Variants in CCDC7 observed in about 807,000 individuals in gnomAD.
CCDC7 encodes coiled-coil domain containing 7, also known as coiled-coil domain-containing protein 7.
Under a neutral mutation model 196.9 loss-of-function variants are expected in CCDC7, and 183 were observed. The observed-to-expected ratio is 0.93, with a 90% CI of 0.82 to 1.05. The LOEUF is 1.05. CCDC7 is among the 50% of genes least tolerant of loss of function. CCDC7 has a pLI of 0.00. For missense variants in CCDC7, 1,540 were observed against 1,482.2 expected (o/e 1.04, Z -0.64); for synonymous variants, 525 against 484.6 (o/e 1.08, Z -1.10).
chr10:32,604,379 A>C (rs1222055449), intron 18 of CCDC7, among the ~76,000 whole-genome samples: 1 of 152,094 alleles, frequency 6.6e-6, no homozygotes, highest in African/African-American at 2.4e-5. Flanking sequence ...TGATGCCTTC[A>C]ATTTGGCTCT....
chr10:32,854,518 T>C lies in CCDC7; in HGVS notation c.4111+29T>C, dbSNP rs757743305. Reference sequence around the variant, plus strand: ...AAAGAATCACTACAATACAGACATATGAAATAAAACTTTATGCTATATTCT... The same window carrying C: ...AAAGAATCACTACAATACAGACATACGAAATAAAACTTTATGCTATATTCT... On this transcript the variant is annotated intron_variant, in intron 41 of 41. Transcript: ENST00000639629. The C allele has an allele frequency of 9.8e-6, 13 of 1,331,134 alleles. No homozygotes were observed. The South Asian group carries it at 1.5e-4, about 15-fold the overall frequency. 82.5% of individuals were successfully genotyped at this position (1,331,134 alleles called of 1,614,324 possible). A position where few individuals can be genotyped will look rare whatever the true frequency, so the allele number is the denominator to read the frequency against.
intron 16 of CCDC7, among the ~76,000 whole-genome samples, chr10:32,572,978 A>G (rs1296524823): frequency 6.6e-6 from 1 of 150,402 alleles, no homozygotes; most frequent in African/African-American, 2.5e-5. Flanking sequence ...CCCAGGTTCA[A>G]GTGATTCTCC....
At chr10:32,785,511 A>G (rs1162720127) in intron 29 of CCDC7, among the ~76,000 whole-genome samples, 1 of 152,164 alleles carries the variant, frequency 6.6e-6, no homozygotes, top group Non-Finnish European at 1.5e-5. Flanking sequence ...AATAAGGAAA[A>G]CTAAAAAGTT....
intron 20 of CCDC7, among the ~76,000 whole-genome samples, chr10:32,647,071 G>A (rs117437081): frequency 0.011 from 1,746 of 152,296 alleles, 11 homozygotes; most frequent in Middle Eastern, 0.024. Context: ...TTGGTAGAAT[G>A]ACTTATATTC....
At chr10:32,490,177 T>G (rs2041930145) in intron 8 of CCDC7, among the ~76,000 whole-genome samples, 1 of 151,842 alleles carries the variant, frequency 6.6e-6, no homozygotes, top group African/African-American at 2.4e-5. Flanking sequence ...TTATTCTCCA[T>G]TTTTTTGCTT....
intron 13 of CCDC7, among the ~76,000 whole-genome samples, chr10:32,545,707 A>G (rs2052321517): frequency 6.6e-6 from 1 of 152,090 alleles, no homozygotes; most frequent in Non-Finnish European, 1.5e-5. Context: ...GGAGTTCGAG[A>G]CTAGCCTGGC....
At chr10:32,771,864 C>A (rs1255300139) in intron 28 of CCDC7, among the ~76,000 whole-genome samples, 1 of 152,178 alleles carries the variant, frequency 6.6e-6, no homozygotes, top group Non-Finnish European at 1.5e-5. Flanking sequence ...TTTTCTTCTT[C>A]TTGGGTGCAG....
chr10:32,796,979 TA>T (rs554898878), intron 29 of CCDC7, among the ~76,000 whole-genome samples: 169 of 152,158 alleles, frequency 1.1e-3, no homozygotes, highest in African/African-American at 3.9e-3. Flanking sequence ...ACACAAAATT[TA>T]AAAGACAATC....
intron 28 of CCDC7, among the ~76,000 whole-genome samples, chr10:32,748,408 A>G (rs1246225692): frequency 6.6e-6 from 1 of 152,224 alleles, no homozygotes; most frequent in Non-Finnish European, 1.5e-5. Context: ...TGTATCCTGC[A>G]ACCTTGCCAT....
Position 32,479,042 on chromosome 10 carries a change from C to T in CCDC7, c.796+5019C>T, listed in dbSNP as rs115066034. Among the ~76,000 whole-genome samples the T allele has an allele frequency of 8.6e-3, 1,306 of 152,002 alleles. 28 individuals are homozygous for T. Among genetic ancestry groups the T allele is most frequent in the African/African-American group, 0.029 (1,205 of 41,484 alleles). ...TGAGTTTTGGTAGATTGTGAGTTTC[C>T]AAGAATTTGTCCATATAATCTAAAT... On this transcript the variant is annotated intron_variant, in intron 8 of 41. Coordinates refer to ENST00000639629, the Ensembl canonical transcript of CCDC7.
intron 9 of CCDC7, among the ~76,000 whole-genome samples, chr10:32,508,545 A>G (rs1310698427): frequency 1.3e-5 from 2 of 152,322 alleles, no homozygotes; most frequent in Non-Finnish European, 1.5e-5. Flanking sequence ...CAAATCCTAA[A>G]ATTCATATGC....
intron 20 of CCDC7, among the ~76,000 whole-genome samples, chr10:32,639,386 C>T (rs2139773728): frequency 6.6e-6 from 1 of 152,002 alleles, no homozygotes; most frequent in East Asian, 1.9e-4. Flanking sequence ...TATAAATTTC[C>T]CTCTACACAC....
chr10:32,816,936 C>G (rs567462725), intron 31 of CCDC7, among the ~76,000 whole-genome samples: 94 of 152,304 alleles, frequency 6.2e-4, no homozygotes, highest in African/African-American at 2.1e-3. Flanking sequence ...TGCCTCTCCT[C>G]CTCCAAAGGA....
At chr10:32,861,696 T>C (rs1439251153) in intron 41 of CCDC7, among the ~76,000 whole-genome samples, 3 of 147,582 alleles carry the variant, frequency 2.0e-5, no homozygotes, top group African/African-American at 7.5e-5. Context: ...ACATCCAGAA[T>C]CTACCAAGAA....
intron 20 of CCDC7, among the ~76,000 whole-genome samples, chr10:32,663,497 A>G (rs2071964023): frequency 6.6e-6 from 1 of 152,092 alleles, no homozygotes; most frequent in Admixed American, 6.6e-5. Context: ...AGCATACTTG[A>G]TATCTTTCTT....
chr10:32,873,836 A>G (rs2094511823), intron 41 of CCDC7, among the ~76,000 whole-genome samples: 1 of 151,768 alleles, frequency 6.6e-6, no homozygotes, highest in South Asian at 2.1e-4. Context: ...CCATTTTACC[A>G]TCCCACCAGC....
At chr10:32,769,468 G>GTAT (rs1234103921) in intron 28 of CCDC7, among the ~76,000 whole-genome samples, 11 of 150,060 alleles carry the variant, frequency 7.3e-5, no homozygotes, top group Non-Finnish European at 1.6e-4. Flanking sequence ...TTGATCCATT[G>GTAT]TATTATTATT....
chr10:32,673,765 A>C (rs1219160920), intron 21 of CCDC7, among the ~76,000 whole-genome samples: 1 of 151,892 alleles, frequency 6.6e-6, no homozygotes, highest in African/African-American at 2.4e-5. Context: ...CTGAACATGA[A>C]AACCATGAAT....
At chr10:32,514,851 G>A (rs187235361) in intron 9 of CCDC7, among the ~76,000 whole-genome samples, 2 of 152,074 alleles carry the variant, frequency 1.3e-5, no homozygotes, top group Non-Finnish European at 2.9e-5. Flanking sequence ...AAGAAACAGG[G>A]TCTCACTCTG....
Sources: allele counts gnomAD v4.1 joint callset (sites outside exome capture counted in the v4.1 genomes callset), GRCh38; gene constraint gnomAD v4.1.1; transcripts MANE v1.5; gene names NCBI Gene and HGNC (gene_info 2026-07-23, HGNC 2026-07-21).